Variants in DIP2C observed in about 807,000 individuals in gnomAD.
DIP2C encodes DIP2 acetate--CoA ligase C (putative).
A neutral mutation model predicts 192.4 loss-of-function variants in DIP2C; 33 were observed. The ratio of observed to expected loss-of-function variants is 0.17; its 90% CI spans 0.13 to 0.23. The LOEUF is 0.23. Among genes scored for constraint, DIP2C ranks in the 10% least tolerant of loss-of-function variants. The pLI is 1.00. For synonymous variants in DIP2C, 979 were observed against 864.1 expected (o/e 1.13, Z -2.33); for missense variants, 1,537 against 2,110.1 (o/e 0.73, Z 5.32).
intron 1 of DIP2C, chr10:669,076 AC>A (rs915419777): frequency 2.6e-5 from 4 of 152,146 alleles, no homozygotes. Context: ...GACACGGCAA[AC>A]TGAGGAGAAA....
In DIP2C at chr10:483,419, A is replaced by G. The variant is rs572364037; in HGVS notation, c.157+3040T>C. 2.0e-5 allele frequency among the ~76,000 whole-genome samples: 3 copies of G among 152,354 alleles called. No individual in the cohort carries two copies. The East Asian group carries it at 5.8e-4, about 29-fold the overall frequency. On this transcript the variant is annotated intron_variant, in intron 2 of 36. Transcript: ENST00000280886. ...TTGCTGCTTCCCAGGACAGCTGCAC[A>G]TGGTGCACACTTGCGTGTCACAAGC...
intron 17 of DIP2C, among the ~76,000 whole-genome samples, chr10:382,149 C>T (rs1284048637): frequency 4.6e-5 from 7 of 152,198 alleles, no homozygotes; most frequent in Non-Finnish European, 1.0e-4. Context: ...TCTGAATTTA[C>T]CTACTTTAAA....
intron 1 of DIP2C, among the ~76,000 whole-genome samples, chr10:566,071 C>A (rs1207117868): frequency 6.6e-6 from 1 of 152,238 alleles, no homozygotes; most frequent in Non-Finnish European, 1.5e-5. Flanking sequence ...AACAAAAAAA[C>A]CACGTATCTC....
At chr10:571,860 G>T (rs1425587754) in intron 1 of DIP2C, among the ~76,000 whole-genome samples, 13 of 152,202 alleles carry the variant, frequency 8.5e-5, no homozygotes, top group South Asian at 4.1e-4. Flanking sequence ...AAGGCCCAGG[G>T]CAGTAGGGAG....
At chr10:333,922 C>G in intron 29 of DIP2C, among the ~76,000 whole-genome samples, 1 of 152,154 alleles carries the variant, frequency 6.6e-6, no homozygotes, top group East Asian at 1.9e-4. Context: ...TTTTCACGTC[C>G]TTATTGGCCA....
At chr10:309,753 G>A (rs767505872) in intron 32 of DIP2C, among the ~76,000 whole-genome samples, 1 of 151,968 alleles carries the variant, frequency 6.6e-6, no homozygotes, top group African/African-American at 2.4e-5. Context: ...GCTTTACCAT[G>A]TTGCCCAGGC....
intron 1 of DIP2C, among the ~76,000 whole-genome samples, chr10:502,954 TACC>T (rs377443509): frequency 1.9e-4 from 29 of 152,144 alleles, no homozygotes; most frequent in East Asian, 1.5e-3. Flanking sequence ...CCTGCGGACT[TACC>T]ACAATTCCAG....
At chr10:449,456 G>A (rs1204607987) in intron 3 of DIP2C, among the ~76,000 whole-genome samples, 1 of 152,088 alleles carries the variant, frequency 6.6e-6, no homozygotes, top group Non-Finnish European at 1.5e-5. Flanking sequence ...TGTGGCCAAA[G>A]TCACGGTACT....
chr10:570,367 C>A (rs758879646), intron 1 of DIP2C, among the ~76,000 whole-genome samples: 1 of 152,228 alleles, frequency 6.6e-6, no homozygotes, highest in Non-Finnish European at 1.5e-5. Context: ...CCCACAAAGG[C>A]CTGGGCATGA....
At chr10:545,165 C>CTTTT (rs1564836000) in intron 1 of DIP2C, among the ~76,000 whole-genome samples, 39 of 91,878 alleles carry the variant, frequency 4.2e-4, no homozygotes, top group African/African-American at 2.1e-3. Flanking sequence ...TGGTGTTTTC[C>CTTTT]CTTTTTTTTT....
chr10:593,034 G>A (rs577318010), intron 1 of DIP2C, among the ~76,000 whole-genome samples: 1 of 152,254 alleles, frequency 6.6e-6, no homozygotes, highest in South Asian at 2.1e-4. Context: ...TATATATATG[G>A]GAGTGGGTAT....
chr10:380,614 T>C (rs1435231348), intron 17 of DIP2C, among the ~76,000 whole-genome samples: 1 of 152,246 alleles, frequency 6.6e-6, no homozygotes, highest in African/African-American at 2.4e-5. Flanking sequence ...CAGGGGAATG[T>C]AGCAGCCGAA....
At chr10:367,650 C>T (rs1042339578) in intron 18 of DIP2C, among the ~76,000 whole-genome samples, 3 of 152,166 alleles carry the variant, frequency 2.0e-5, no homozygotes, top group South Asian at 4.1e-4. Context: ...CCATTAGACA[C>T]GAGGGGGTCA....
intron 1 of DIP2C, among the ~76,000 whole-genome samples, chr10:540,814 GAA>G (rs1348200638): frequency 6.6e-6 from 1 of 152,216 alleles, no homozygotes; most frequent in Non-Finnish European, 1.5e-5. Flanking sequence ...GAGCAATCAT[GAA>G]AGACTAATAC....
rs1349610160 is a variant in DIP2C at position 301,711 on chromosome 10, C to T, written c.3986+8320G>A. 5.3e-5 allele frequency among the ~76,000 whole-genome samples: 8 copies of T among 152,324 alleles called. No homozygotes were observed. In the South Asian group the frequency reaches 8.3e-4, roughly 16 times the overall value. ...AAACACACCTTGGAGGGGCAGGACCCGGGAGCCCGCCTCTGGTAACCGCGT... is the reference window on the plus strand; with the variant it reads ...AAACACACCTTGGAGGGGCAGGACCTGGGAGCCCGCCTCTGGTAACCGCGT... On this transcript the variant is annotated intron_variant, in intron 32 of 36. Coordinates refer to ENST00000280886, the MANE Select transcript of DIP2C (RefSeq NM_014974.3).
At chr10:649,990 TC>T in intron 1 of DIP2C, 1 of 634,928 alleles carries the variant, frequency 1.6e-6, no homozygotes. Flanking sequence ...GTGTTTGCCG[TC>T]CAAAGTTCAC....
chr10:526,648 A>G (rs555608529), intron 1 of DIP2C, among the ~76,000 whole-genome samples: 6 of 152,348 alleles, frequency 3.9e-5, no homozygotes, highest in Non-Finnish European at 7.4e-5. Context: ...AAGGATCTCA[A>G]ATACACATAT....
rs1362985923 is a variant in DIP2C, at chr10:666,500, G to A, written c.85+22994C>T. 2.0e-5 allele frequency: 3 copies of A among 152,320 alleles called. No homozygotes were observed. The highest frequency in any genetic ancestry group is 6.5e-5 in the Admixed American group (1 of 15,276). The allele number at this position is 152,320 out of a possible 1,614,324, so 9.4% of individuals were successfully genotyped here. ...CTGAGATCCTGTGGCCTGAGTCGGG[G>A]CCGGGGAAACCAAGCCTGCAGGACT... is the stretch of plus-strand genomic sequence containing the variant. On this transcript the variant is annotated intron_variant, in intron 1 of 36. Transcript: ENST00000280886. This position sits in a 1 kb window ranked among gnomAD's most constrained non-coding sequence, Gnocchi z 4.1.
At chr10:509,564 G>A (rs1050280171) in intron 1 of DIP2C, among the ~76,000 whole-genome samples, 7 of 152,182 alleles carry the variant, frequency 4.6e-5, no homozygotes, top group African/African-American at 1.7e-4. Context: ...AATATCTCAG[G>A]GACTCTGTGC....
Sources: gnomAD v4.1 joint callset for allele counts (sites outside exome capture counted in the v4.1 genomes callset) on GRCh38, gnomAD v4.1.1 for gene constraint, Gnocchi (gnomAD v3.1) non-coding constraint, MANE v1.5 for transcripts, NCBI Gene and HGNC (gene_info 2026-07-23, HGNC 2026-07-21) for gene names.